Variants in ERMP1 observed in about 807,000 individuals in gnomAD.
ERMP1 encodes the protein Felix-ina.
In ERMP1, 86 loss-of-function variants were observed where a neutral mutation model predicts 92.0. That is an observed-to-expected ratio of 0.93 (90% CI 0.79 to 1.12). ERMP1 has a LOEUF of 1.12. Among genes scored for constraint, ERMP1 ranks in the 50% most tolerant of loss-of-function variants. The pLI is 0.00. For missense variants in ERMP1, 1,342 were observed against 1,116.3 expected, an observed-to-expected ratio of 1.20 and a Z score of -2.88; for synonymous variants, 530 against 412.8, an observed-to-expected ratio of 1.28 and a Z score of -3.44.
upstream of ERMP1, among the ~76,000 whole-genome samples, chr9:5,834,295 G>A (rs527802739): frequency 6.6e-6 from 1 of 152,258 alleles, no homozygotes; most frequent in South Asian, 2.1e-4. Flanking sequence ...CAGATTAAGT[G>A]GTACTTCCTC....
At chr9:5,788,225 G>A (rs1586759509) in intron 13 of ERMP1, among the ~76,000 whole-genome samples, 1 of 152,174 alleles carries the variant, frequency 6.6e-6, no homozygotes, top group South Asian at 2.1e-4. Context: ...AAATCTCAGG[G>A]AGCAATCTCA....
chr9:5,840,071 G>A (rs1368204274), intron 6 of ERMP1, among the ~76,000 whole-genome samples: 7 of 152,236 alleles, frequency 4.6e-5, no homozygotes, highest in African/African-American at 9.6e-5. Context: ...GTGAAACCCC[G>A]TCTCTACTAA....
At position 5,843,239 on chromosome 9, in the gene ERMP1, T is replaced by C. The variant is rs73389483; in HGVS notation, n.3200-9927A>G. ...CCACCTAAATCAGTAACAGTAACCA[T>C]AGCTCTGCGGAATTTGGGGCTCAGC... On this transcript the variant is annotated intron_variant and non_coding_transcript_variant, in intron 6 of 6. Transcript: ENST00000690753. Among the ~76,000 whole-genome samples, 817 of 152,330 alleles carry C rather than the reference T, an allele frequency of 5.4e-3. 13 individuals are homozygous for C. The highest frequency in any genetic ancestry group is 0.019 in the African/African-American group (773 of 41,570).
chr9:5,854,346 G>C (rs1383588639), intron 6 of ERMP1, among the ~76,000 whole-genome samples: 4 of 152,226 alleles, frequency 2.6e-5, no homozygotes, highest in South Asian at 4.1e-4. Flanking sequence ...ATTCAGTCTA[G>C]GCATAGCTAG....
At chr9:5,791,239 T>C (rs1586764119) in intron 13 of ERMP1, 1 of 456,684 alleles carries the variant, frequency 2.2e-6, no homozygotes, top group South Asian at 1.5e-5. Context: ...CTTACATGAT[T>C]GTTGAGGCTG....
At chr9:5,817,465 C>T (rs1206264712) in intron 4 of ERMP1, among the ~76,000 whole-genome samples, 2 of 152,238 alleles carry the variant, frequency 1.3e-5, no homozygotes, top group Non-Finnish European at 2.9e-5. Flanking sequence ...GCTGGGATTA[C>T]AGGCGTAAGC....
At chr9:5,799,688 C>A (rs1828594671) in intron 11 of ERMP1, among the ~76,000 whole-genome samples, 1 of 152,190 alleles carries the variant, frequency 6.6e-6, no homozygotes, top group Non-Finnish European at 1.5e-5. Flanking sequence ...TTCACTGCAA[C>A]AGACTGTATT....
chr9:5,810,996 A>G, intron 7 of ERMP1, 115 bp downstream of exon 7: 1 of 654,074 alleles, frequency 1.5e-6, no homozygotes, highest in Non-Finnish European at 2.6e-6. Flanking sequence ...AATATAAAGC[A>G]AACATTGTCT....
chr9:5,787,494 TCTC>T lies in ERMP1; in HGVS notation c.2483_2485del (p.Gly828del), dbSNP rs749170333. ...TCCATGGGAGTAAAAGACAAAGTAG[TCTC>T]CTCCTTTACTTGTGACTGGGGTGCC... On this transcript the variant is annotated inframe_deletion, in exon 14 of 15. Transcript: ENST00000339450. 1.3e-5 allele frequency: 21 copies of T among 1,613,898 alleles called. No homozygotes were observed. Among genetic ancestry groups the T allele is most frequent in the Non-Finnish European group, 1.3e-5 (15 of 1,179,916 alleles).
chr9:5,851,193 C>G (rs548215575), intron 6 of ERMP1, among the ~76,000 whole-genome samples: 1 of 152,208 alleles, frequency 6.6e-6, no homozygotes. Flanking sequence ...TTGTTCTTCT[C>G]TTTTCTCTAT....
At chr9:5,837,619 A>T (rs1478660851), upstream of ERMP1, among the ~76,000 whole-genome samples, 2 of 152,210 alleles carry the variant, frequency 1.3e-5, no homozygotes, top group East Asian at 3.8e-4. Flanking sequence ...AACGTTTTTC[A>T]AAAAGGGGAT....
intron 2 of ERMP1, 28 bp downstream of exon 2, chr9:5,830,699 T>C (rs1232066835): frequency 6.4e-7 from 1 of 1,568,858 alleles, no homozygotes; most frequent in East Asian, 2.3e-5. Context: ...TGTGACAAGT[T>C]CCAAATGACT....
chr9:5,798,112 TAAG>T (rs1184554947), intron 12 of ERMP1, among the ~76,000 whole-genome samples, 180 bp from the exon 13 acceptor site: 1 of 152,198 alleles, frequency 6.6e-6, no homozygotes, highest in Non-Finnish European at 1.5e-5. Context: ...TTCCCAATGT[TAAG>T]AACAAAGGAG....
rs931492878 is a variant in ERMP1, at chr9:5,784,882, T to C, written c.*2262A>G. The C allele has an allele frequency of 8.5e-5, 13 of 152,604 alleles. No homozygotes were observed. The highest frequency in any genetic ancestry group is 3.1e-4 in the African/African-American group (13 of 41,584). 9.5% of individuals were successfully genotyped at this position (152,604 alleles called of 1,614,324 possible). On this transcript the variant is annotated 3_prime_UTR_variant, in exon 15 of 15. Coordinates refer to ENST00000339450, the MANE Select transcript of ERMP1 (RefSeq NM_024896.3). ...ACTGTACTACTAACATCTAATTCTGTAGAAAATAATGCATTTGTTAGTGAC... is the reference window on the plus strand; with the variant it reads ...ACTGTACTACTAACATCTAATTCTGCAGAAAATAATGCATTTGTTAGTGAC...
intron 7 of ERMP1, among the ~76,000 whole-genome samples, chr9:5,810,700 A>G (rs1829058932): frequency 6.6e-6 from 1 of 152,228 alleles, no homozygotes; most frequent in Non-Finnish European, 1.5e-5. Context: ...AACAGCACAC[A>G]ACAACTTAGA....
At chr9:5,787,399 A>G in intron 14 of ERMP1, 31 bp downstream of exon 14, 1 of 1,608,824 alleles carries the variant, frequency 6.2e-7, no homozygotes, top group Non-Finnish European at 8.5e-7. Flanking sequence ...GAACCTAATC[A>G]ATGAAACAAA....
chr9:5,812,307 C>G (rs1829128147), intron 5 of ERMP1, 90 bp from the exon 6 acceptor site: 11 of 712,306 alleles, frequency 1.5e-5, no homozygotes, highest in Non-Finnish European at 2.3e-5. Context: ...TCCTAAAAGA[C>G]AAAATGTCAA....
chr9:5,815,885 G>A (rs1351711266), intron 4 of ERMP1, among the ~76,000 whole-genome samples: 1 of 151,712 alleles, frequency 6.6e-6, no homozygotes, highest in East Asian at 1.9e-4. Flanking sequence ...TATGATGATG[G>A]GGAAATACGT....
intron 6 of ERMP1, among the ~76,000 whole-genome samples, chr9:5,847,359 C>T (rs1830249896): frequency 6.6e-6 from 1 of 152,032 alleles, no homozygotes. Context: ...CCGCCTCAGC[C>T]CTCCAAGTAG....
Sources: allele counts gnomAD v4.1 joint callset (sites outside exome capture counted in the v4.1 genomes callset), GRCh38; gene constraint gnomAD v4.1.1; transcripts MANE v1.5; gene names NCBI Gene and HGNC (gene_info 2026-07-23, HGNC 2026-07-21).